The following ANXA4 variants were observed in gnomAD, a reference collection of about 807,000 sequenced individuals.
ANXA4 encodes 35-beta calcimedin.
ANXA4 carries 39 observed loss-of-function variants against 49.8 expected under a neutral mutation model. The observed-to-expected ratio is 0.78, with a 90% CI of 0.61 to 1.02. The LOEUF (loss-of-function observed/expected upper bound fraction) is 1.02. Ranked by LOEUF, ANXA4 falls within the 50% of genes least tolerant of loss-of-function variation. The pLI is 0.00. For synonymous variants in ANXA4, 134 were observed against 152.5 expected (o/e 0.88, Z 0.89); for missense variants, 360 against 410.1 (o/e 0.88, Z 1.05).
chr2:69,787,274 A>G (rs1672458660), intron 2 of ANXA4, among the ~76,000 whole-genome samples: 1 of 152,208 alleles, frequency 6.6e-6, no homozygotes, highest in African/African-American at 2.4e-5. Flanking sequence ...TGTTTAATTT[A>G]GGATCCAAAT....
chr2:69,771,566 G>A (rs1290235740), intron 1 of ANXA4, among the ~76,000 whole-genome samples: 2 of 152,176 alleles, frequency 1.3e-5, no homozygotes, highest in Non-Finnish European at 2.9e-5. Flanking sequence ...GGGTGAGAGA[G>A]GAGAATGCAC....
intron 2 of ANXA4, among the ~76,000 whole-genome samples, chr2:69,691,314 G>A (rs1222987912): frequency 2.6e-5 from 4 of 151,728 alleles, no homozygotes; most frequent in Non-Finnish European, 5.9e-5. Flanking sequence ...AGTAGAGACG[G>A]GGTTTCACCA....
intron 2 of ANXA4, among the ~76,000 whole-genome samples, chr2:69,688,096 CG>C (rs1255422159): frequency 6.6e-6 from 1 of 152,176 alleles, no homozygotes; most frequent in Non-Finnish European, 1.5e-5. Flanking sequence ...GTCCACACAT[CG>C]CCATGGTTAG....
rs1558522299 is a variant in ANXA4, at chr2:69,812,655, T to C, written c.480T>C (p.Gly160=). 6.2e-7 allele frequency: 1 copy of C among 1,613,322 alleles called. No homozygotes were observed. The highest frequency in any genetic ancestry group is 2.2e-5 in the East Asian group (1 of 44,884). Residue 160 remains glycine, a splice_region_variant and synonymous_variant, in exon 8 of 13, where the codon GGT becomes GGC. Transcript: ENST00000394295. ...FQRVLVSLSA[G]GRDEGNYLDD... ...TTATTTGTTTTTCTCATCCTCAGGG[T>C]GGGAGGGATGAAGGAAATTATCTGG...
At chr2:69,645,219 A>T (rs1233373183) in intron 1 of ANXA4, among the ~76,000 whole-genome samples, 1 of 152,194 alleles carries the variant, frequency 6.6e-6, no homozygotes, top group Non-Finnish European at 1.5e-5. Flanking sequence ...CTGCTGCTGC[A>T]GCTTGTTTCA....
At chr2:69,774,042 C>T (rs532936559) in intron 1 of ANXA4, among the ~76,000 whole-genome samples, 11 of 151,996 alleles carry the variant, frequency 7.2e-5, no homozygotes, top group East Asian at 1.9e-4. Flanking sequence ...AGGCTGGTCT[C>T]GAACTCCTGA....
intron 2 of ANXA4, among the ~76,000 whole-genome samples, chr2:69,661,522 G>A (rs150855564): frequency 9.2e-5 from 14 of 152,174 alleles, no homozygotes; most frequent in African/African-American, 3.1e-4. Flanking sequence ...AGTGAGCTAT[G>A]ATCTTGTCAC....
At chr2:69,700,564 C>A (rs1207722182) in intron 2 of ANXA4, among the ~76,000 whole-genome samples, 1 of 152,192 alleles carries the variant, frequency 6.6e-6, no homozygotes. Flanking sequence ...CATACATACA[C>A]AACACACACT....
chr2:69,796,357 G>C (rs1672944896), intron 3 of ANXA4, among the ~76,000 whole-genome samples: 1 of 152,146 alleles, frequency 6.6e-6, no homozygotes, highest in Admixed American at 6.5e-5. Flanking sequence ...GCTCCTCCCA[G>C]TCCCTATGGT....
At chr2:69,770,783 AATTT>A (rs556840891) in intron 1 of ANXA4, among the ~76,000 whole-genome samples, 9 of 152,048 alleles carry the variant, frequency 5.9e-5, no homozygotes, top group Non-Finnish European at 1.2e-4. Context: ...ACATATTGCT[AATTT>A]ATTTATATTA....
chr2:69,644,016 G>T, upstream of ANXA4: 1 of 457,732 alleles, frequency 2.2e-6, no homozygotes, highest in Non-Finnish European at 3.0e-6. Context: ...TCCGGCTGCT[G>T]GACTACAAAT....
At chr2:69,806,305 G>A (rs1673439040) in intron 4 of ANXA4, 80 bp from the exon 5 acceptor site, 1 of 1,001,086 alleles carries the variant, frequency 1.0e-6, no homozygotes, top group Non-Finnish European at 1.6e-6. Flanking sequence ...GGAGACCCCA[G>A]ACATCCCTGG....
intron 2 of ANXA4, among the ~76,000 whole-genome samples, chr2:69,655,599 C>A (rs939721937): frequency 6.6e-6 from 1 of 152,120 alleles, no homozygotes; most frequent in South Asian, 2.1e-4. Flanking sequence ...ATTAGTTCTA[C>A]CATTGTGGAA....
At chr2:69,733,618 A>G (rs1220313975) in intron 3 of ANXA4, among the ~76,000 whole-genome samples, 1 of 151,810 alleles carries the variant, frequency 6.6e-6, no homozygotes, top group Non-Finnish European at 1.5e-5. Context: ...TCTTAGAAAA[A>G]AAAAAAAAAG....
intron 2 of ANXA4, chr2:69,700,082 G>A (rs1407040501): frequency 2.6e-5 from 4 of 152,204 alleles, no homozygotes; most frequent in Non-Finnish European, 4.4e-5. Flanking sequence ...TTAACATTAC[G>A]ATTTTAGACA....
At chr2:69,711,025 CTTAA>C (rs551960638) in intron 2 of ANXA4, among the ~76,000 whole-genome samples, 4 of 152,140 alleles carry the variant, frequency 2.6e-5, no homozygotes, top group Non-Finnish European at 5.9e-5. Flanking sequence ...ATTCAGAGCA[CTTAA>C]TTAATAATAG....
chr2:69,727,936 G>A (rs1318309396), intron 3 of ANXA4, among the ~76,000 whole-genome samples: 1 of 152,126 alleles, frequency 6.6e-6, no homozygotes, highest in Non-Finnish European at 1.5e-5. Flanking sequence ...TGACCTTAAC[G>A]TCTTTGAAGA....
At chr2:69,808,199 A>T in intron 6 of ANXA4, 1 of 561,780 alleles carries the variant, frequency 1.8e-6, no homozygotes. Flanking sequence ...GGTGAAGATG[A>T]CACTCTATTT....
chr2:69,805,464 G>C (rs1673405899), intron 4 of ANXA4, among the ~76,000 whole-genome samples: 1 of 151,936 alleles, frequency 6.6e-6, no homozygotes, highest in South Asian at 2.1e-4. Context: ...AAATTAGCTG[G>C]GCATGGTGGT....
Sources: allele counts gnomAD v4.1 joint callset (sites outside exome capture counted in the v4.1 genomes callset), GRCh38; gene constraint gnomAD v4.1.1; transcripts MANE v1.5; gene names NCBI Gene and HGNC (gene_info 2026-07-23, HGNC 2026-07-21).